CDH13: variants seen among roughly 807,000 people sequenced by gnomAD.
CDH13 encodes cadherin 13.
CDH13 carries 24 observed loss-of-function variants against 63.8 expected under a neutral mutation model. That is an observed-to-expected ratio of 0.38 (90% CI 0.27 to 0.53). CDH13 has a LOEUF of 0.53. Ranked by LOEUF, CDH13 falls within the 20% of genes least tolerant of loss-of-function variation. The pLI is 0.85. For synonymous variants in CDH13, 503 were observed against 355.3 expected (o/e 1.42, Z -4.67); for missense variants, 1,049 against 903.1 (o/e 1.16, Z -2.07).
intron 5 of CDH13, among the ~76,000 whole-genome samples, chr16:83,284,019 G>C (rs1296285139): frequency 6.6e-6 from 1 of 152,160 alleles, no homozygotes; most frequent in Non-Finnish European, 1.5e-5. Flanking sequence ...CACAAGCCTA[G>C]AGCCAAACCA....
At chr16:82,695,287 T>G (rs2030134585) in intron 1 of CDH13, among the ~76,000 whole-genome samples, 1 of 152,238 alleles carries the variant, frequency 6.6e-6, no homozygotes, top group African/African-American at 2.4e-5. Flanking sequence ...TGGATCTTTC[T>G]GAATCCTCAG....
At chr16:82,998,572 G>C (rs1374742401) in intron 2 of CDH13, among the ~76,000 whole-genome samples, 1 of 151,970 alleles carries the variant, frequency 6.6e-6, no homozygotes, top group Non-Finnish European at 1.5e-5. Flanking sequence ...CCTCTGCTTG[G>C]ACCTTGTTTC....
At chr16:83,120,763 C>CTTTTTTTTTTTTTTTTTTTTTTTT (rs750711823) in intron 3 of CDH13, among the ~76,000 whole-genome samples, 9 of 60,224 alleles carry the variant, frequency 1.5e-4, no homozygotes, top group Non-Finnish European at 1.8e-4. Flanking sequence ...AATTTTCTTT[C>CTTTTTTTTTTTTTTTTTTTTTTTT]TTTTTTTTTT....
chr16:83,484,339 C>A (rs756663196), intron 6 of CDH13, among the ~76,000 whole-genome samples: 1 of 152,180 alleles, frequency 6.6e-6, no homozygotes, highest in African/African-American at 2.4e-5. Flanking sequence ...TAGACATCTG[C>A]GGCTTTGATC....
chr16:83,460,989 ACACACG>A (rs1048773593), intron 6 of CDH13, among the ~76,000 whole-genome samples: 30 of 122,114 alleles, frequency 2.5e-4, no homozygotes, highest in South Asian at 1.2e-3. Flanking sequence ...CAAAACACAC[ACACACG>A]CACACACACA....
At chr16:82,888,219 A>C (rs1597145575) in intron 2 of CDH13, among the ~76,000 whole-genome samples, 1 of 152,190 alleles carries the variant, frequency 6.6e-6, no homozygotes, top group East Asian at 1.9e-4. Flanking sequence ...TAGAAAGGCA[A>C]ATCAGACGGG....
intron 2 of CDH13, among the ~76,000 whole-genome samples, chr16:82,964,473 A>C (rs1447641777): frequency 6.6e-6 from 1 of 152,192 alleles, no homozygotes; most frequent in Non-Finnish European, 1.5e-5. Context: ...AAGTAAAGAG[A>C]AAGAGGAGAT....
At chr16:82,692,867 C>G (rs749499811) in intron 1 of CDH13, among the ~76,000 whole-genome samples, 23 of 152,170 alleles carry the variant, frequency 1.5e-4, no homozygotes, top group Admixed American at 6.5e-4. Context: ...ATCCTCACTT[C>G]CTGGTCTTCA....
At chr16:83,549,397 C>G (rs1318879129) in intron 7 of CDH13, among the ~76,000 whole-genome samples, 1 of 152,124 alleles carries the variant, frequency 6.6e-6, no homozygotes, top group Admixed American at 6.5e-5. Context: ...GCGTTTTGAA[C>G]AAATTAAGTT....
chr16:83,044,853 A>T (rs1917634382), intron 3 of CDH13, among the ~76,000 whole-genome samples: 1 of 152,176 alleles, frequency 6.6e-6, no homozygotes, highest in Admixed American at 6.5e-5. Context: ...CGGGGCTTTC[A>T]CATAGATGGA....
chr16:83,468,325 G>T (rs1321586543), intron 6 of CDH13, among the ~76,000 whole-genome samples: 1 of 152,164 alleles, frequency 6.6e-6, no homozygotes, highest in East Asian at 1.9e-4. Flanking sequence ...GGCAGAGAGA[G>T]ATGTGGCCGC....
intron 5 of CDH13, among the ~76,000 whole-genome samples, chr16:83,238,243 A>C (rs920462698): frequency 2.0e-5 from 3 of 151,282 alleles, no homozygotes. Context: ...AGAGAGATTT[A>C]GTGGACTTAC....
chr16:83,161,642 G>A (rs894410936), intron 4 of CDH13, among the ~76,000 whole-genome samples: 1 of 151,724 alleles, frequency 6.6e-6, no homozygotes, highest in Admixed American at 6.6e-5. Flanking sequence ...TCCCTCCCCC[G>A]CCTTGACTGT....
At chr16:82,844,178 A>G (rs2039150067) in intron 1 of CDH13, among the ~76,000 whole-genome samples, 1 of 152,148 alleles carries the variant, frequency 6.6e-6, no homozygotes, top group South Asian at 2.1e-4. Flanking sequence ...GAAACAGAAG[A>G]CGATGTGATG....
intron 2 of CDH13, among the ~76,000 whole-genome samples, chr16:82,939,322 C>T (rs966015530): frequency 6.6e-6 from 1 of 152,054 alleles, no homozygotes; most frequent in African/African-American, 2.4e-5. Context: ...ACTCAATAGG[C>T]TGAGACAGAA....
intron 4 of CDH13, among the ~76,000 whole-genome samples, chr16:83,172,665 TCA>T (rs1259824765): frequency 6.6e-6 from 1 of 152,028 alleles, no homozygotes; most frequent in Non-Finnish European, 1.5e-5. Flanking sequence ...CACCTTGATC[TCA>T]GATTTTCAGC....
intron 2 of CDH13, among the ~76,000 whole-genome samples, chr16:83,007,759 G>T (rs1913687854): frequency 6.6e-6 from 1 of 151,608 alleles, no homozygotes; most frequent in Non-Finnish European, 1.5e-5. Flanking sequence ...AGGAGGCGGG[G>T]GTGGCAGTGA....
At chr16:82,705,263 C>G (rs1415951251) in intron 1 of CDH13, 7 of 423,294 alleles carry the variant, frequency 1.7e-5, no homozygotes, top group Non-Finnish European at 2.8e-5. Flanking sequence ...TTCAAGAGAC[C>G]ACGTTGGACA....
chr16:82,814,590 T>C (rs2151186876), intron 1 of CDH13, among the ~76,000 whole-genome samples: 1 of 152,298 alleles, frequency 6.6e-6, no homozygotes, highest in East Asian at 1.9e-4. Flanking sequence ...AAGCTCTGCA[T>C]ACCTTTCCAC....
Sources: allele counts gnomAD v4.1 joint callset (sites outside exome capture counted in the v4.1 genomes callset), GRCh38; gene constraint gnomAD v4.1.1; transcripts MANE v1.5; gene names NCBI Gene and HGNC (gene_info 2026-07-23, HGNC 2026-07-21).